Variants in SMCO4 observed in about 807,000 individuals in gnomAD.
SMCO4 encodes the protein single-pass membrane protein with coiled-coil domains 4, also known as single-pass membrane and coiled-coil domain-containing protein 4.
In SMCO4, 4 loss-of-function variants were observed where a neutral mutation model predicts 3.6. The observed-to-expected ratio is 1.11, with a 90% CI of 0.54 to 2.53. The LOEUF (loss-of-function observed/expected upper bound fraction) is 2.53. Among genes scored for constraint, SMCO4 ranks in the 30% most tolerant of loss-of-function variants. SMCO4 has a pLI of 0.02. For missense variants in SMCO4, 70 were observed against 80.8 expected (o/e 0.87, Z 0.51); for synonymous variants, 36 against 35.3 (o/e 1.02, Z -0.07).
intron 1 of SMCO4, among the ~76,000 whole-genome samples, chr11:93,518,331 C>T (rs1264877253): frequency 6.6e-6 from 1 of 152,074 alleles, no homozygotes; most frequent in African/African-American, 2.4e-5. Context: ...ATGGAGATAC[C>T]ACATTTTGTC....
At position 93,514,418 on chromosome 11, in the gene SMCO4, AT is replaced by A. The variant is rs1555077571; in HGVS notation, c.-153-15071del. Among the ~76,000 whole-genome samples, 211 of 61,746 alleles carry A rather than the reference AT, an allele frequency of 3.4e-3. 4 individuals are homozygous for A. The highest frequency in any genetic ancestry group is 1.0e-2 in the African/African-American group (199 of 19,940). The allele number at this position is 61,746 out of a possible 152,430, so 40.5% of individuals were successfully genotyped here. On this transcript the variant is annotated intron_variant, in intron 1 of 2. Coordinates refer to ENST00000298966, the MANE Select transcript of SMCO4 (RefSeq NM_020179.3). ...TATATATATATATATATATATATATATATAAAATTTGGTCTCTTCCAAAGAT... is the reference window on the plus strand; with the variant it reads ...TATATATATATATATATATATATATAATAAAATTTGGTCTCTTCCAAAGAT...
chr11:93,546,706 C>T (rs1387178359), upstream of SMCO4, among the ~76,000 whole-genome samples: 1 of 152,176 alleles, frequency 6.6e-6, no homozygotes, highest in African/African-American at 2.4e-5. Context: ...TCCTTTGTGA[C>T]ATTTTTGCTA....
At chr11:93,543,508 C>G (rs4753468), upstream of SMCO4, 85,884 of 152,704 alleles carry the variant, frequency 0.56, 24,481 homozygotes, top group Admixed American at 0.65. Flanking sequence ...CCCTCTTCCC[C>G]GTTCCCGGCT....
chr11:93,481,339 G>A (rs755910375), intron 2 of SMCO4: 199 of 697,730 alleles, frequency 2.9e-4, no homozygotes, highest in Non-Finnish European at 3.2e-4. Flanking sequence ...GGTACAGGTG[G>A]GCTGAGACAT....
intron 1 of SMCO4, among the ~76,000 whole-genome samples, chr11:93,526,759 C>T (rs930098376): frequency 1.3e-5 from 2 of 152,116 alleles, no homozygotes; most frequent in Non-Finnish European, 2.9e-5. Context: ...ATCATCACCA[C>T]CATCCTGGGA....
the SMCO4 span, among the ~76,000 whole-genome samples, chr11:93,550,354 G>A: frequency 6.6e-6 from 1 of 151,960 alleles, no homozygotes; most frequent in South Asian, 2.1e-4. Context: ...AACTCCCCAG[G>A]GTGTATCATT....
intron 1 of SMCO4, among the ~76,000 whole-genome samples, chr11:93,541,582 G>C (rs1419318091): frequency 6.6e-6 from 1 of 152,104 alleles, no homozygotes; most frequent in Non-Finnish European, 1.5e-5. Context: ...CAAGCTTGAA[G>C]ATTAAACAAT....
the SMCO4 span, among the ~76,000 whole-genome samples, chr11:93,553,314 C>T: frequency 6.6e-6 from 1 of 152,154 alleles, no homozygotes; most frequent in African/African-American, 2.4e-5. Context: ...CTACAGGCAG[C>T]TTTGATCAGA....
chr11:93,501,939 T>A (rs1948843160), intron 1 of SMCO4, among the ~76,000 whole-genome samples: 1 of 152,012 alleles, frequency 6.6e-6, no homozygotes, highest in African/African-American at 2.4e-5. Context: ...GAACCCCTGC[T>A]ATGCCTCTCT....
At chr11:93,502,991 T>G (rs1948858459) in intron 1 of SMCO4, among the ~76,000 whole-genome samples, 1 of 152,168 alleles carries the variant, frequency 6.6e-6, no homozygotes, top group Non-Finnish European at 1.5e-5. Flanking sequence ...ATTATTCCCA[T>G]TTTACAGATC....
At chr11:93,524,447 G>A (rs1192705468) in intron 1 of SMCO4, among the ~76,000 whole-genome samples, 1 of 152,148 alleles carries the variant, frequency 6.6e-6, no homozygotes, top group Non-Finnish European at 1.5e-5. Context: ...GGAAGCTATG[G>A]TATAGAAGTA....
At chr11:93,540,240 C>A (rs1949261169) in intron 1 of SMCO4, among the ~76,000 whole-genome samples, 1 of 152,206 alleles carries the variant, frequency 6.6e-6, no homozygotes, top group Non-Finnish European at 1.5e-5. Context: ...GACCCAAGTA[C>A]CTGTGTGCAA....
At chr11:93,510,859 G>A (rs1222485260) in intron 1 of SMCO4, among the ~76,000 whole-genome samples, 6 of 152,206 alleles carry the variant, frequency 3.9e-5, no homozygotes, top group Admixed American at 3.9e-4. Context: ...AGCACTTTGG[G>A]ATGCTGAGGT....
chr11:93,516,174 C>A (rs1949006159), intron 1 of SMCO4, among the ~76,000 whole-genome samples: 1 of 152,022 alleles, frequency 6.6e-6, no homozygotes, highest in Non-Finnish European at 1.5e-5. Context: ...TAAAATTGTA[C>A]CAAGACCAAG....
intron 2 of SMCO4, among the ~76,000 whole-genome samples, chr11:93,494,360 C>T (rs1201684698): frequency 1.3e-5 from 2 of 152,156 alleles, no homozygotes; most frequent in African/African-American, 4.8e-5. Flanking sequence ...GCAGGGTTAA[C>T]CACCAACCAA....
Position 93,479,144 on chromosome 11 carries a change from T to G in SMCO4, c.46A>C (p.Lys16Gln). 6.2e-7 allele frequency: 1 copy of G among 1,614,130 alleles called. No individual in the cohort carries two copies. The highest frequency in any genetic ancestry group is 8.5e-7 in the Non-Finnish European group (1 of 1,180,038). Residue 16 changes from lysine (K) to glutamine (Q), a missense_variant, in exon 3 of 3, where the codon AAG becomes CAG. Lys to Gln is a moderately conservative substitution (Grantham distance 53). Transcript: ENST00000298966. ...GKPKKETSKD[K>Q]KERKQAMQEA... ...TGCATGGCTTGCTTCCGCTCCTTCT[T>G]GTCCTTGGAGGTCTCCTTCTTGGGC...
At chr11:93,498,564 A>T (rs1948802169) in intron 2 of SMCO4, among the ~76,000 whole-genome samples, 1 of 152,230 alleles carries the variant, frequency 6.6e-6, no homozygotes, top group Non-Finnish European at 1.5e-5. Context: ...CTCCCTCCCC[A>T]CTTCTGGATT....
rs902845102 is a variant in SMCO4, at chr11:93,481,681, A to T, written c.-80-2412T>A. ...CATGGCTTCTAACAGAGCAATGGAC[A>T]GCATTCCTGTTCAAAGCTGCAAATG... On this transcript the variant is annotated intron_variant, in intron 2 of 2. Transcript: ENST00000298966. 5.3e-5 allele frequency among the ~76,000 whole-genome samples: 8 copies of T among 152,346 alleles called. No individual in the cohort carries two copies. In the South Asian group the frequency reaches 6.2e-4, roughly 12 times the overall value.
intron 1 of SMCO4, among the ~76,000 whole-genome samples, chr11:93,534,215 TACAC>T (rs71064754): frequency 0.11 from 14,660 of 127,792 alleles, 1,366 homozygotes; most frequent in Non-Finnish European, 0.15. Flanking sequence ...AATATATATA[TACAC>T]ACACACACAC....
Sources: allele counts gnomAD v4.1 joint callset (sites outside exome capture counted in the v4.1 genomes callset), GRCh38; gene constraint gnomAD v4.1.1; transcripts MANE v1.5; gene names NCBI Gene and HGNC (gene_info 2026-07-23, HGNC 2026-07-21).